Variants in ASCC1 observed in about 807,000 individuals in gnomAD.
The protein encoded by ASCC1 is ASC-1 complex subunit P50.
Under a neutral mutation model 46.6 loss-of-function variants are expected in ASCC1, and 35 were observed. That is an observed-to-expected ratio of 0.75 (90% CI 0.57 to 0.99). The LOEUF (loss-of-function observed/expected upper bound fraction) is 0.99. ASCC1 is among the 50% of genes least tolerant of loss of function. The probability of loss-of-function intolerance (pLI) is 0.00; values close to 1 mark genes in which losing one functional copy is unlikely to be tolerated. For missense variants in ASCC1, 376 were observed against 428.7 expected, an observed-to-expected ratio of 0.88 and a Z score of 1.09; for synonymous variants, 143 against 146.6, an observed-to-expected ratio of 0.98 and a Z score of 0.18.
chr10:72,147,262 TA>T (rs1847749333), intron 7 of ASCC1, among the ~76,000 whole-genome samples: 1 of 152,004 alleles, frequency 6.6e-6, no homozygotes, highest in African/African-American at 2.4e-5. Context: ...CAACACCTTT[TA>T]TTTTTTTTGT....
Position 72,156,221 on chromosome 10 carries a change from T to A in ASCC1, c.627-3233A>T, listed in dbSNP as rs867081201. On this transcript the variant is annotated intron_variant, in intron 6 of 9. Transcript: ENST00000672957. ...GTGTGGCACCTCCCCTGCCACTCTCTGTTGCTTGTTCCTGCTTCTGCTATG... is the reference window on the plus strand; with the variant it reads ...GTGTGGCACCTCCCCTGCCACTCTCAGTTGCTTGTTCCTGCTTCTGCTATG... Among the ~76,000 whole-genome samples the A allele has an allele frequency of 5.3e-5, 8 of 152,220 alleles. No individual in the cohort carries two copies. The South Asian group carries it at 1.7e-3, about 32-fold the overall frequency.
chr10:72,137,417 C>T lies in ASCC1; in HGVS notation c.747-4236G>A, dbSNP rs182177991. ...GTGGTGCATGCCTATAATCCCAGCT[C>T]CTTGGGAGGATGAGGCAGGAGAATA... On this transcript the variant is annotated intron_variant, in intron 7 of 9. Transcript: ENST00000672957. Among the ~76,000 whole-genome samples the T allele has an allele frequency of 4.9e-4, 74 of 151,190 alleles. 2 individuals are homozygous for T. The East Asian group carries it at 0.014, about 29-fold the overall frequency.
chr10:72,149,386 C>G (rs1307371925), intron 7 of ASCC1, among the ~76,000 whole-genome samples: 1 of 141,102 alleles, frequency 7.1e-6, no homozygotes, highest in Non-Finnish European at 1.5e-5. Flanking sequence ...TGCAGTAAGC[C>G]TAGATCACGC....
At chr10:72,199,800 T>G (rs1431161294) in intron 4 of ASCC1, among the ~76,000 whole-genome samples, 1 of 152,094 alleles carries the variant, frequency 6.6e-6, no homozygotes, top group African/African-American at 2.4e-5. Flanking sequence ...CTGGTGCGAT[T>G]GGCTCACTGT....
chr10:72,098,794 C>T (rs1175382963), intron 9 of ASCC1, among the ~76,000 whole-genome samples: 1 of 152,212 alleles, frequency 6.6e-6, no homozygotes, highest in Non-Finnish European at 1.5e-5. Flanking sequence ...GCTGCATTGT[C>T]TTGTGTTTCA....
chr10:72,115,678 CAG>C (rs1254053183), intron 9 of ASCC1, among the ~76,000 whole-genome samples: 13 of 152,154 alleles, frequency 8.5e-5, no homozygotes, highest in Admixed American at 6.5e-5. Context: ...ACTGAACAAA[CAG>C]GGGCTATCAA....
chr10:72,179,407 G>A (rs932544144), intron 5 of ASCC1, among the ~76,000 whole-genome samples: 2 of 152,228 alleles, frequency 1.3e-5, no homozygotes, highest in African/African-American at 4.8e-5. Context: ...TAGTTGGTTA[G>A]CAGTTGGTCA....
In ASCC1 at chr10:72,128,323, A is replaced by C. The variant is rs138931503; in HGVS notation, c.872-156T>G. ...AAAATGTCAGGCTATGAATCAAGAG[A>C]CCTGGCTTCTAGTCTCAGTTCTGTC... is the stretch of plus-strand genomic sequence containing the variant. On this transcript the variant is annotated intron_variant, in intron 8 of 9. Coordinates refer to ENST00000672957, the MANE Select transcript of ASCC1 (RefSeq NM_001198800.3). 7.2e-3 allele frequency among the ~76,000 whole-genome samples: 1,097 copies of C among 152,308 alleles called. 5 individuals carry two copies. The highest frequency in any genetic ancestry group is 0.024 in the Middle Eastern group (7 of 294).
intron 7 of ASCC1, among the ~76,000 whole-genome samples, chr10:72,135,800 T>C (rs908473938): frequency 6.6e-6 from 1 of 152,114 alleles, no homozygotes; most frequent in Admixed American, 6.5e-5. Context: ...TTCTCTGGTA[T>C]AAGGGAATCA....
chr10:72,212,472 G>A (rs1363900494), intron 2 of ASCC1, among the ~76,000 whole-genome samples: 1 of 152,152 alleles, frequency 6.6e-6, no homozygotes, highest in Non-Finnish European at 1.5e-5. Context: ...CTACAAAAGG[G>A]ACATGACCAT....
chr10:72,141,048 GATA>G (rs1846913237), intron 7 of ASCC1, among the ~76,000 whole-genome samples: 1 of 143,676 alleles, frequency 7.0e-6, no homozygotes, highest in Non-Finnish European at 1.6e-5. Flanking sequence ...TAGATAGATA[GATA>G]GATAGATAGA....
chr10:72,112,056 G>A (rs1214611663), intron 9 of ASCC1, among the ~76,000 whole-genome samples: 1 of 152,170 alleles, frequency 6.6e-6, no homozygotes, highest in Non-Finnish European at 1.5e-5. Context: ...CTTAGCCATT[G>A]TTGATACAAA....
upstream of ASCC1, chr10:72,216,282 TC>T (rs1859296910): frequency 6.3e-6 from 1 of 158,368 alleles, no homozygotes; most frequent in Non-Finnish European, 1.4e-5. Flanking sequence ...ATAGGAAATT[TC>T]CCCAGGCCGG....
At chr10:72,204,424 G>T in intron 3 of ASCC1, 2 of 1,550,252 alleles carry the variant, frequency 1.3e-6, no homozygotes, top group Non-Finnish European at 1.7e-6. Flanking sequence ...TTACTTGCCT[G>T]GACTTCCAAG....
At chr10:72,168,502 G>T (rs1005983995) in intron 5 of ASCC1, among the ~76,000 whole-genome samples, 2 of 152,188 alleles carry the variant, frequency 1.3e-5, no homozygotes, top group African/African-American at 4.8e-5. Context: ...AATCCCTGTG[G>T]AGGGAAATTT....
chr10:72,118,544 C>T (rs1843770684), intron 9 of ASCC1, among the ~76,000 whole-genome samples: 1 of 152,036 alleles, frequency 6.6e-6, no homozygotes, highest in South Asian at 2.1e-4. Flanking sequence ...CTTCAGGAGG[C>T]CAAGGCGGGT....
At chr10:72,195,447 G>A (rs948469758) in intron 5 of ASCC1, among the ~76,000 whole-genome samples, 1 of 152,024 alleles carries the variant, frequency 6.6e-6, no homozygotes, top group East Asian at 1.9e-4. Flanking sequence ...CAACATGCCA[G>A]CCAAGATTTA....
chr10:72,098,118 G>A (rs944461002), intron 9 of ASCC1, among the ~76,000 whole-genome samples: 3 of 152,184 alleles, frequency 2.0e-5, no homozygotes, highest in African/African-American at 7.2e-5. Flanking sequence ...CTATGATCCT[G>A]TACTTTACAA....
chr10:72,102,477 G>A, intron 9 of ASCC1: 4 of 1,291,026 alleles, frequency 3.1e-6, no homozygotes, highest in Non-Finnish European at 4.4e-6. Context: ...TCCTTTTATT[G>A]AGTTGTAGTT....
Sources: allele counts gnomAD v4.1 joint callset (sites outside exome capture counted in the v4.1 genomes callset), GRCh38; gene constraint gnomAD v4.1.1; transcripts MANE v1.5; gene names NCBI Gene and HGNC (gene_info 2026-07-23, HGNC 2026-07-21).